Variants in GGA2 observed in about 807,000 individuals in gnomAD.
GGA2 encodes the protein golgi associated, gamma adaptin ear containing, ARF binding protein 2.
In GGA2, 48 loss-of-function variants were observed where a neutral mutation model predicts 79.5. The ratio of observed to expected loss-of-function variants is 0.60; its 90% CI spans 0.48 to 0.77. The LOEUF (loss-of-function observed/expected upper bound fraction) is 0.77, where lower values mean the gene tolerates loss of function less well. Ranked by LOEUF, GGA2 falls within the 30% of genes least tolerant of loss-of-function variation. The pLI, the probability that GGA2 is intolerant of heterozygous loss-of-function variation, is 0.00. For missense variants in GGA2, 770 were observed against 774.0 expected, an observed-to-expected ratio of 0.99 and a Z score of 0.06; for synonymous variants, 317 against 302.0, an observed-to-expected ratio of 1.05 and a Z score of -0.51.
intron 8 of GGA2, among the ~76,000 whole-genome samples, chr16:23,484,322 G>A (rs2142124669): frequency 6.6e-6 from 1 of 152,260 alleles, no homozygotes; most frequent in East Asian, 1.9e-4. Context: ...GGAGGCTGAG[G>A]CAGGAGAATC....
upstream of GGA2, among the ~76,000 whole-genome samples, chr16:23,511,050 T>TGTGTGTGCGTGTGTGTGTG (rs57500272): frequency 6.7e-6 from 1 of 149,392 alleles, no homozygotes; most frequent in African/African-American, 2.5e-5. Context: ...TGTGTGTGTG[T>TGTGTGTGCGTGTGTGTGTG]TAGAGACTGG....
Position 23,465,319 on chromosome 16 carries a change from G to C in GGA2, c.*2271C>G. ...TTGTTAAGTGAATGAAGAGGTAGGA[G>C]CTGGGCTCTAAGTGGCCACTGGACT... On this transcript the variant is annotated 3_prime_UTR_variant, in exon 17 of 17. Coordinates refer to ENST00000309859, the MANE Select transcript of GGA2 (RefSeq NM_015044.4). The C allele has an allele frequency of 1.4e-6, 1 of 702,784 alleles. No homozygotes were observed. Among genetic ancestry groups the C allele is most frequent in the Non-Finnish European group, 2.6e-6 (1 of 384,802 alleles). The allele number at this position is 702,784 out of a possible 1,614,324, so 43.5% of individuals were successfully genotyped here.
At chr16:23,498,085 G>A (rs895622462) in intron 1 of GGA2, among the ~76,000 whole-genome samples, 1 of 152,158 alleles carries the variant, frequency 6.6e-6, no homozygotes, top group Non-Finnish European at 1.5e-5. Context: ...TTGGAGGCCA[G>A]CCTGGGCAAC....
chr16:23,468,945 T>G lies in GGA2; in HGVS notation c.1672A>C (p.Ser558Arg). The G allele has an allele frequency of 6.2e-7, 1 of 1,612,936 alleles. No homozygotes were observed. Among genetic ancestry groups the G allele is most frequent in the Non-Finnish European group, 8.5e-7 (1 of 1,178,946 alleles). Residue 558 changes from serine (S) to arginine (R), a missense_variant, in exon 16 of 17, where the codon AGT becomes CGT. Ser to Arg is a moderately radical substitution (Grantham distance 110). Coordinates refer to ENST00000309859, the MANE Select transcript of GGA2 (RefSeq NM_015044.4). ...PASSSKLPAF[S>R]PLMPPAVISQ... ...ATCACAGCTGGAGGCATCAAAGGACTGAATGCAGGAAGCTTGGAGCTGGAT... is the reference window on the plus strand; with the variant it reads ...ATCACAGCTGGAGGCATCAAAGGACGGAATGCAGGAAGCTTGGAGCTGGAT...
At chr16:23,477,539 C>T (rs962643557) in intron 13 of GGA2, among the ~76,000 whole-genome samples, 5 of 151,760 alleles carry the variant, frequency 3.3e-5, no homozygotes, top group Admixed American at 2.0e-4. Context: ...GTCAAGAGAT[C>T]GAGACAATCC....
At chr16:23,470,706 T>G (rs1964498833) in intron 14 of GGA2, among the ~76,000 whole-genome samples, 1 of 150,416 alleles carries the variant, frequency 6.6e-6, no homozygotes. Flanking sequence ...GAGGTTGCAA[T>G]GAACTGCACT....
At chr16:23,469,727 G>A in intron 15 of GGA2, 1 of 244,596 alleles carries the variant, frequency 4.1e-6, no homozygotes. Flanking sequence ...TTTCCTGTTT[G>A]TGGAGAAACT....
At chr16:23,479,926 A>G (rs747360402) in intron 10 of GGA2, 39 bp from the exon 11 acceptor site, 6 of 1,608,598 alleles carry the variant, frequency 3.7e-6, no homozygotes, top group South Asian at 1.1e-5. Flanking sequence ...TCAGTTGGAC[A>G]TGAGAGCAAA....
At chr16:23,481,316 C>T (rs1238327935) in intron 9 of GGA2, among the ~76,000 whole-genome samples, 1 of 152,004 alleles carries the variant, frequency 6.6e-6, no homozygotes, top group Non-Finnish European at 1.5e-5. Flanking sequence ...GAGGTTGCAG[C>T]GAGCTGAGAT....
At chr16:23,507,859 G>T (rs1964990497) in intron 1 of GGA2, among the ~76,000 whole-genome samples, 1 of 151,870 alleles carries the variant, frequency 6.6e-6, no homozygotes, top group African/African-American at 2.4e-5. Flanking sequence ...TGGGGAGGCT[G>T]ATGTGGGAAA....
chr16:23,469,861 CA>C (rs1274182550), intron 15 of GGA2, 134 bp downstream of exon 15: 1 of 598,138 alleles, frequency 1.7e-6, no homozygotes, highest in Non-Finnish European at 2.8e-6. Context: ...TCAGGTAAGC[CA>C]TTACATTCCC....
At chr16:23,484,210 C>T (rs1383398667) in intron 8 of GGA2, among the ~76,000 whole-genome samples, 1 of 150,742 alleles carries the variant, frequency 6.6e-6, no homozygotes, top group African/African-American at 2.4e-5. Context: ...GAGTTCGAGA[C>T]CAGCCTAACC....
chr16:23,496,062 G>C (rs1199793297), intron 1 of GGA2, among the ~76,000 whole-genome samples: 2 of 152,066 alleles, frequency 1.3e-5, no homozygotes, highest in Non-Finnish European at 2.9e-5. Context: ...CATTTTGGGA[G>C]GCCGAGGTGG....
At position 23,510,432 on chromosome 16, in the gene GGA2, G is replaced by T. The variant is rs1229666750; in HGVS notation, c.-21C>A. On this transcript the variant is annotated 5_prime_UTR_variant, in exon 1 of 17. Coordinates refer to ENST00000309859, the MANE Select transcript of GGA2 (RefSeq NM_015044.4). ...GCCATCGCTCCAGCCCCGACGCTGC[G>T]GCCGCGGGCGCCACTGCCTCTTCAG... 3.1e-6 allele frequency: 3 copies of T among 974,636 alleles called. No individual in the cohort carries two copies. Among genetic ancestry groups the T allele is most frequent in the Non-Finnish European group, 2.7e-6 (2 of 735,310 alleles). 60.4% of individuals were successfully genotyped at this position (974,636 alleles called of 1,614,324 possible).
At chr16:23,503,812 T>C (rs556941361) in intron 1 of GGA2, among the ~76,000 whole-genome samples, 1 of 152,328 alleles carries the variant, frequency 6.6e-6, no homozygotes, top group African/African-American at 2.4e-5. Flanking sequence ...CCGGGTGTAG[T>C]GGCTCATGCC....
intron 7 of GGA2, among the ~76,000 whole-genome samples, 159 bp downstream of exon 7, chr16:23,486,551 C>T (rs1005883935): frequency 6.6e-6 from 1 of 152,128 alleles, no homozygotes; most frequent in Non-Finnish European, 1.5e-5. Flanking sequence ...ACCTTGCTGC[C>T]CTTGAGGGAG....
intron 2 of GGA2, among the ~76,000 whole-genome samples, chr16:23,494,957 C>T (rs775189132): frequency 2.5e-4 from 38 of 152,000 alleles, no homozygotes; most frequent in East Asian, 1.9e-4. Context: ...TGGAGGCACG[C>T]GCCTGTAATC....
intron 2 of GGA2, among the ~76,000 whole-genome samples, chr16:23,494,962 G>A (rs995566737): frequency 4.6e-5 from 7 of 152,082 alleles, no homozygotes; most frequent in African/African-American, 1.7e-4. Context: ...GCACGCGCCT[G>A]TAATCCCAGC....
intron 4 of GGA2, among the ~76,000 whole-genome samples, chr16:23,492,729 T>TG (rs1202969004): frequency 2.7e-5 from 4 of 150,266 alleles, no homozygotes; most frequent in African/African-American, 9.7e-5. Context: ...TATGGGGCGG[T>TG]GGGGGTCATA....
Sources: gnomAD v4.1 joint callset for allele counts (sites outside exome capture counted in the v4.1 genomes callset) on GRCh38, gnomAD v4.1.1 for gene constraint, MANE v1.5 for transcripts, NCBI Gene and HGNC (gene_info 2026-07-23, HGNC 2026-07-21) for gene names.